Variants in FRMPD4 observed in about 807,000 individuals in gnomAD.
The protein encoded by FRMPD4 is FERM and PDZ domain containing 4.
In FRMPD4, 22 loss-of-function variants were observed where a neutral mutation model predicts 94.1. The observed-to-expected ratio is 0.23, with a 90% CI of 0.17 to 0.33. The LOEUF (loss-of-function observed/expected upper bound fraction) is 0.33. FRMPD4 is among the 10% of genes least tolerant of loss of function. The probability of loss-of-function intolerance (pLI) is 1.00; values close to 1 mark genes in which losing one functional copy is unlikely to be tolerated. For missense variants in FRMPD4, 1,111 were observed against 1,339.9 expected (o/e 0.83, Z 2.67); for synonymous variants, 631 against 548.6 (o/e 1.15, Z -2.10).
At chrX:12,052,690 T>A (rs1434175313) in intron 3 of FRMPD4, among the ~76,000 whole-genome samples, 2 of 111,683 alleles carry the variant, frequency 1.8e-5, no homozygotes, top group East Asian at 5.6e-4. Context: ...GCAGGGCTTT[T>A]CCTAATATTT....
At chrX:11,875,529 G>T (rs1377659582) in intron 2 of FRMPD4, among the ~76,000 whole-genome samples, 1 of 111,662 alleles carries the variant, frequency 9.0e-6, no homozygotes, top group Non-Finnish European at 1.9e-5. Context: ...GGAGCTCCCC[G>T]ACTCCACCTC....
At chrX:11,986,181 A>T (rs1202884991) in intron 3 of FRMPD4, among the ~76,000 whole-genome samples, 1 of 112,627 alleles carries the variant, frequency 8.9e-6, no homozygotes, top group Non-Finnish European at 1.9e-5. Context: ...CCCCAGCTCC[A>T]GGAGGCTCAG....
intron 3 of FRMPD4, among the ~76,000 whole-genome samples, chrX:11,952,152 T>C (rs2054227845): frequency 8.9e-6 from 1 of 112,809 alleles, no homozygotes; most frequent in South Asian, 3.6e-4. Context: ...TTAGGCACTA[T>C]GCCTCCTGCA....
chrX:12,236,414 G>T (rs1299547831), intron 1 of FRMPD4, among the ~76,000 whole-genome samples: 1 of 111,491 alleles, frequency 9.0e-6, no homozygotes, highest in Non-Finnish European at 1.9e-5. Context: ...TTCTAGTTGG[G>T]AGAGTTCGGG....
chrX:12,672,143 A>C (rs1205720228), intron 4 of FRMPD4, among the ~76,000 whole-genome samples: 1 of 112,193 alleles, frequency 8.9e-6, no homozygotes, highest in African/African-American at 3.2e-5. Flanking sequence ...AAGGCAAGAA[A>C]GTTCTCACTT....
intron 1 of FRMPD4, among the ~76,000 whole-genome samples, chrX:11,849,881 G>C (rs2053610311): frequency 9.0e-6 from 1 of 111,109 alleles, no homozygotes; most frequent in African/African-American, 3.3e-5. Context: ...ATGATTTCTT[G>C]AATATGACAC....
intron 1 of FRMPD4, among the ~76,000 whole-genome samples, chrX:12,349,587 G>A (rs1266068324): frequency 1.8e-5 from 2 of 111,121 alleles, no homozygotes; most frequent in East Asian, 2.8e-4. Context: ...CATTTATGAC[G>A]TCTCTTGAAA....
At chrX:12,193,915 A>G (rs1457708665) in intron 1 of FRMPD4, among the ~76,000 whole-genome samples, 3 of 108,100 alleles carry the variant, frequency 2.8e-5, no homozygotes, top group African/African-American at 1.0e-4. Context: ...CAAGAGATTG[A>G]AAAACTAGAT....
At chrX:12,709,693 G>GT (rs2041946303) in intron 13 of FRMPD4, among the ~76,000 whole-genome samples, 1 of 112,300 alleles carries the variant, frequency 8.9e-6, no homozygotes, top group South Asian at 3.7e-4. Context: ...TTTTCAGATT[G>GT]TGAGTTCACT....
chrX:11,896,341 C>T (rs2053903646), intron 3 of FRMPD4, among the ~76,000 whole-genome samples: 1 of 111,977 alleles, frequency 8.9e-6, no homozygotes, highest in Non-Finnish European at 1.9e-5. Context: ...TTATGTCCCC[C>T]ACAAAATTCA....
At chrX:11,958,807 G>A (rs1413906700) in intron 3 of FRMPD4, among the ~76,000 whole-genome samples, 2 of 111,902 alleles carry the variant, frequency 1.8e-5, no homozygotes, top group African/African-American at 6.5e-5. Flanking sequence ...CTTTAATATA[G>A]CTTTTCCCTC....
At chrX:12,521,390 A>C (rs1440464522) in intron 2 of FRMPD4, among the ~76,000 whole-genome samples, 2 of 112,110 alleles carry the variant, frequency 1.8e-5, no homozygotes, top group Non-Finnish European at 3.8e-5. Flanking sequence ...AAGATCGTGC[A>C]ATCTCTTCTC....
At chrX:12,120,433 C>A (rs546399458) in intron 3 of FRMPD4, among the ~76,000 whole-genome samples, 1 of 111,789 alleles carries the variant, frequency 8.9e-6, no homozygotes, top group East Asian at 2.8e-4. Flanking sequence ...TGGCTCACAC[C>A]TGTAATCCCA....
intron 1 of FRMPD4, among the ~76,000 whole-genome samples, chrX:12,274,764 CT>C (rs1280085058): frequency 8.9e-6 from 1 of 112,573 alleles, no homozygotes; most frequent in East Asian, 2.8e-4. Flanking sequence ...AATCCCAGCA[CT>C]TTGGGAGGCC....
At chrX:12,164,526 A>G (rs1391909936) in intron 1 of FRMPD4, among the ~76,000 whole-genome samples, 4 of 112,397 alleles carry the variant, frequency 3.6e-5, no homozygotes, top group Non-Finnish European at 3.8e-5. Flanking sequence ...ATGTGTCTTT[A>G]TAGCAGCATG....
At chrX:12,494,260 G>A (rs985260720) in intron 1 of FRMPD4, among the ~76,000 whole-genome samples, 6 of 111,338 alleles carry the variant, frequency 5.4e-5, no homozygotes, top group Non-Finnish European at 7.5e-5. Context: ...TCTTTTGAGG[G>A]GCTGTCCTGT....
intron 1 of FRMPD4, among the ~76,000 whole-genome samples, chrX:12,335,988 T>G (rs976618423): frequency 8.9e-6 from 1 of 112,613 alleles, no homozygotes; most frequent in Non-Finnish European, 1.9e-5. Flanking sequence ...TGCCCATTCT[T>G]GGTGACTGAG....
intron 1 of FRMPD4, among the ~76,000 whole-genome samples, chrX:12,316,736 A>C (rs2055123237): frequency 1.8e-5 from 2 of 110,978 alleles, no homozygotes; most frequent in Non-Finnish European, 3.8e-5. Context: ...AGTACCATTA[A>C]AAAAACAAAA....
At chrX:12,039,600 A>G (rs999535324) in intron 3 of FRMPD4, among the ~76,000 whole-genome samples, 19 of 111,108 alleles carry the variant, frequency 1.7e-4, no homozygotes, top group African/African-American at 6.2e-4. Context: ...AAATAATAAT[A>G]TTAAATTTAT....
Sources: gnomAD v4.1 joint callset for allele counts (sites outside exome capture counted in the v4.1 genomes callset) on GRCh38, gnomAD v4.1.1 for gene constraint, MANE v1.5 for transcripts, NCBI Gene and HGNC (gene_info 2026-07-23, HGNC 2026-07-21) for gene names.